Variants in HS3ST4 observed in about 807,000 individuals in gnomAD.
HS3ST4 encodes heparan sulfate glucosamine 3-O-sulfotransferase 4.
Under a neutral mutation model 29.2 loss-of-function variants are expected in HS3ST4, and 17 were observed. That is an observed-to-expected ratio of 0.58 (90% CI 0.40 to 0.87). The LOEUF (loss-of-function observed/expected upper bound fraction) is 0.87. Among genes scored for constraint, HS3ST4 ranks in the 40% least tolerant of loss-of-function variants. The pLI is 0.00. For missense variants in HS3ST4, 627 were observed against 634.5 expected (o/e 0.99, Z 0.13); for synonymous variants, 314 against 285.7 (o/e 1.10, Z -1.00).
At chr16:26,042,283 A>G (rs62034516) in intron 1 of HS3ST4, among the ~76,000 whole-genome samples, 2 of 152,110 alleles carry the variant, frequency 1.3e-5, no homozygotes, top group African/African-American at 4.8e-5. Flanking sequence ...GTCCTTGTCT[A>G]TTTCAGAATA....
chr16:26,070,036 C>T (rs1237059864), intron 1 of HS3ST4, among the ~76,000 whole-genome samples: 1 of 152,112 alleles, frequency 6.6e-6, no homozygotes, highest in Non-Finnish European at 1.5e-5. Flanking sequence ...TATGTCTTTA[C>T]AGCAGCATGA....
chr16:25,899,217 C>A (rs1968098586), intron 1 of HS3ST4, among the ~76,000 whole-genome samples: 1 of 152,206 alleles, frequency 6.6e-6, no homozygotes, highest in Non-Finnish European at 1.5e-5. Flanking sequence ...ATAAAGTCTT[C>A]CTCAAACCCC....
At chr16:25,784,008 G>A (rs777064992) in intron 1 of HS3ST4, among the ~76,000 whole-genome samples, 4 of 152,110 alleles carry the variant, frequency 2.6e-5, no homozygotes, top group Non-Finnish European at 5.9e-5. Context: ...TCACATCTGT[G>A]TGTCATATTT....
At chr16:25,939,148 G>A (rs1968548354) in intron 1 of HS3ST4, among the ~76,000 whole-genome samples, 2 of 152,060 alleles carry the variant, frequency 1.3e-5, no homozygotes, top group Admixed American at 1.3e-4. Flanking sequence ...TGGGCCAGGT[G>A]GGGATGGTGG....
chr16:26,037,069 G>A (rs1223337205), intron 1 of HS3ST4, among the ~76,000 whole-genome samples: 1 of 152,158 alleles, frequency 6.6e-6, no homozygotes, highest in Non-Finnish European at 1.5e-5. Flanking sequence ...TACCAATCAA[G>A]GTATCTCACT....
chr16:26,089,219 A>C (rs1898823526), intron 1 of HS3ST4, among the ~76,000 whole-genome samples: 1 of 152,232 alleles, frequency 6.6e-6, no homozygotes. Flanking sequence ...ATAAGGAGAC[A>C]ATCTAGGACC....
intron 1 of HS3ST4, among the ~76,000 whole-genome samples, chr16:25,882,013 G>A (rs886333350): frequency 6.6e-6 from 1 of 152,162 alleles, no homozygotes; most frequent in Non-Finnish European, 1.5e-5. Flanking sequence ...GGCAGCTTCA[G>A]GTGGCTTTGC....
At chr16:25,977,274 G>T (rs1218194767) in intron 1 of HS3ST4, among the ~76,000 whole-genome samples, 2 of 152,188 alleles carry the variant, frequency 1.3e-5, no homozygotes, top group African/African-American at 4.8e-5. Context: ...GTCCATCACA[G>T]GCATTTAATG....
At chr16:26,001,539 T>A (rs1278354383) in intron 1 of HS3ST4, among the ~76,000 whole-genome samples, 3 of 152,184 alleles carry the variant, frequency 2.0e-5, no homozygotes, top group Non-Finnish European at 1.5e-5. Flanking sequence ...AGGTAATTGA[T>A]GTTTTGATGT....
intron 1 of HS3ST4, among the ~76,000 whole-genome samples, chr16:26,005,667 C>G (rs1969251047): frequency 6.6e-6 from 1 of 151,130 alleles, no homozygotes. Flanking sequence ...TAAACACCAT[C>G]ATGGTGTCCC....
In HS3ST4 at chr16:25,736,856, A is replaced by C. The variant is rs1266349738; in HGVS notation, c.734+43705A>C. Reference sequence around the variant, plus strand: ...TGCTGCTGGTTTTTCTTTTCTTTTTATTTTTTTTTGGGGATGGAGTCTCAC... The same window carrying C: ...TGCTGCTGGTTTTTCTTTTCTTTTTCTTTTTTTTTGGGGATGGAGTCTCAC... On this transcript the variant is annotated intron_variant, in intron 1 of 1. Transcript: ENST00000331351. Among the ~76,000 whole-genome samples the C allele has an allele frequency of 2.7e-5, 4 of 149,028 alleles. No homozygotes were observed. In the South Asian group the frequency reaches 8.5e-4, roughly 32 times the overall value.
intron 1 of HS3ST4, among the ~76,000 whole-genome samples, chr16:25,822,414 A>G (rs1385962181): frequency 6.6e-6 from 1 of 152,116 alleles, no homozygotes; most frequent in Admixed American, 6.5e-5. Context: ...GGATTTCAAC[A>G]TATGAATTTT....
intron 1 of HS3ST4, among the ~76,000 whole-genome samples, chr16:25,802,921 TTATATATG>T (rs750699883): frequency 1.5e-4 from 6 of 38,956 alleles, no homozygotes; most frequent in Non-Finnish European, 5.9e-5. Context: ...AGCTTTTAAG[TTATATATG>T]TGTGTGTGTG....
chr16:26,108,051 A>C (rs1899080044), intron 1 of HS3ST4, among the ~76,000 whole-genome samples: 1 of 152,044 alleles, frequency 6.6e-6, no homozygotes, highest in South Asian at 2.1e-4. Context: ...AGGTTGTGCT[A>C]ATTTACATTC....
intron 1 of HS3ST4, among the ~76,000 whole-genome samples, chr16:26,011,642 A>G (rs1969311462): frequency 6.6e-6 from 1 of 151,818 alleles, no homozygotes; most frequent in South Asian, 2.1e-4. Flanking sequence ...TTGGTTGATG[A>G]GCTGCCAGTG....
In HS3ST4 at chr16:25,928,672, C is replaced by G. The variant is rs150991471; in HGVS notation, c.735-206940C>G. On this transcript the variant is annotated intron_variant, in intron 1 of 1. Coordinates refer to ENST00000331351, the MANE Select transcript of HS3ST4 (RefSeq NM_006040.3). ...TTAAGAACTTGGGAGCAATAATTGC[C>G]GTATGTTTTGAAAGGTTCTGGGTCC... Among the ~76,000 whole-genome samples the G allele has an allele frequency of 6.2e-4, 94 of 152,210 alleles. No homozygotes were observed. The East Asian group carries it at 0.013, about 21-fold the overall frequency.
Position 25,828,268 on chromosome 16 carries a change from CTT to C in HS3ST4, c.734+135119_734+135120del, listed in dbSNP as rs1567249365. 2.2e-3 allele frequency among the ~76,000 whole-genome samples: 183 copies of C among 84,848 alleles called. 11 individuals carry two copies. The highest frequency in any genetic ancestry group is 5.3e-3 in the African/African-American group (103 of 19,584). The allele number at this position is 84,848 out of a possible 152,430, so 55.7% of individuals were successfully genotyped here. A position where few individuals can be genotyped will look rare whatever the true frequency, so the allele number is the denominator to read the frequency against. On this transcript the variant is annotated intron_variant, in intron 1 of 1. Transcript: ENST00000331351. ...TCTTTCTTTCTTTCTTTCTTTCTTT[CTT>C]TCTTTCTTTCTTTCTTTCTTTCTTT...
chr16:25,935,028 C>T (rs1968505261), intron 1 of HS3ST4, among the ~76,000 whole-genome samples: 1 of 152,064 alleles, frequency 6.6e-6, no homozygotes, highest in Non-Finnish European at 1.5e-5. Context: ...TGAATGAATT[C>T]TTACGAGATC....
chr16:25,748,496 T>A (rs1368468646), intron 1 of HS3ST4, among the ~76,000 whole-genome samples: 1 of 152,144 alleles, frequency 6.6e-6, no homozygotes, highest in Admixed American at 6.6e-5. Flanking sequence ...ATGCAAACAT[T>A]AAGAATTCCT....
Sources: allele counts gnomAD v4.1 joint callset (sites outside exome capture counted in the v4.1 genomes callset), GRCh38; gene constraint gnomAD v4.1.1; transcripts MANE v1.5; gene names NCBI Gene and HGNC (gene_info 2026-07-23, HGNC 2026-07-21).